Variants in PPM1E observed in about 807,000 individuals in gnomAD.
The protein encoded by PPM1E is protein phosphatase, Mg2+/Mn2+ dependent 1E.
Under a neutral mutation model 65.9 loss-of-function variants are expected in PPM1E, and 20 were observed. The observed-to-expected ratio is 0.30, with a 90% CI of 0.21 to 0.44. The LOEUF (loss-of-function observed/expected upper bound fraction) is 0.44. PPM1E is among the 20% of genes least tolerant of loss of function. PPM1E has a pLI of 1.00. For missense variants in PPM1E, 713 were observed against 953.1 expected (o/e 0.75, Z 3.32); for synonymous variants, 352 against 374.9 (o/e 0.94, Z 0.70).
chr17:58,966,032 C>A (rs1448576643), intron 3 of PPM1E, 139 bp downstream of exon 3: 5 of 819,556 alleles, frequency 6.1e-6, no homozygotes, highest in Non-Finnish European at 5.6e-6. Flanking sequence ...TGCAAAGTGG[C>A]ACAAATTTGC....
chr17:58,885,243 G>A (rs546546161), intron 1 of PPM1E, among the ~76,000 whole-genome samples: 9 of 152,208 alleles, frequency 5.9e-5, no homozygotes, highest in Middle Eastern at 3.4e-3. Flanking sequence ...TTTTAGTACA[G>A]GTGGGGTTTC....
intron 1 of PPM1E, among the ~76,000 whole-genome samples, chr17:58,805,383 T>G (rs1039050040): frequency 1.3e-5 from 2 of 152,148 alleles, no homozygotes; most frequent in African/African-American, 4.8e-5. Context: ...CCCGAGTAAC[T>G]GGGATTACAG....
chr17:58,910,229 A>G (rs955401602), intron 1 of PPM1E, among the ~76,000 whole-genome samples: 5 of 151,808 alleles, frequency 3.3e-5, no homozygotes, highest in Admixed American at 6.6e-5. Flanking sequence ...GGAGGTTTCT[A>G]TTGTATATCC....
rs1436216123 is a variant in PPM1E, at chr17:58,984,596, C to T, written c.*3565C>T. 6.6e-6 allele frequency: 1 copy of T among 152,494 alleles called. No homozygotes were observed. Among genetic ancestry groups the T allele is most frequent in the Non-Finnish European group, 1.5e-5 (1 of 68,020 alleles). The allele number at this position is 152,494 out of a possible 1,614,324, so 9.4% of individuals were successfully genotyped here. The stretch of plus-strand genomic sequence containing the variant: ...AAGTTAGCAAAAGAAATTTTTTTCA[C>T]CTTTGAAAATCACGTGATGTTAAAG... On this transcript the variant is annotated 3_prime_UTR_variant, in exon 7 of 7. Transcript: ENST00000308249.
At chr17:58,870,210 A>G (rs921541205) in intron 1 of PPM1E, among the ~76,000 whole-genome samples, 1 of 152,188 alleles carries the variant, frequency 6.6e-6, no homozygotes, top group Non-Finnish European at 1.5e-5. Flanking sequence ...AGAAGAAGAA[A>G]TGTCAGGGTT....
intron 1 of PPM1E, among the ~76,000 whole-genome samples, chr17:58,944,219 A>G (rs1395102466): frequency 6.6e-6 from 1 of 152,130 alleles, no homozygotes; most frequent in African/African-American, 2.4e-5. Context: ...TTCTTGACAA[A>G]GTCAGTAGTT....
At chr17:58,904,565 G>A (rs2051533931) in intron 1 of PPM1E, among the ~76,000 whole-genome samples, 1 of 152,034 alleles carries the variant, frequency 6.6e-6, no homozygotes, top group African/African-American at 2.4e-5. Flanking sequence ...ATTTTGGTTG[G>A]GGTTGTGTTG....
chr17:58,832,036 A>G (rs1278304865), intron 1 of PPM1E, among the ~76,000 whole-genome samples: 1 of 152,142 alleles, frequency 6.6e-6, no homozygotes, highest in African/African-American at 2.4e-5. Flanking sequence ...CTTGGGTGAA[A>G]GTCTTTGTCT....
At chr17:58,864,226 T>C (rs2050974507) in intron 1 of PPM1E, among the ~76,000 whole-genome samples, 1 of 152,182 alleles carries the variant, frequency 6.6e-6, no homozygotes, top group Non-Finnish European at 1.5e-5. Flanking sequence ...GCTGCCTGTA[T>C]AAATATTAGC....
intron 1 of PPM1E, among the ~76,000 whole-genome samples, chr17:58,884,774 G>A (rs1397799527): frequency 1.3e-5 from 2 of 152,038 alleles, no homozygotes; most frequent in Non-Finnish European, 1.5e-5. Flanking sequence ...CCTTTGTAGG[G>A]TGACCAGAGA....
intron 1 of PPM1E, among the ~76,000 whole-genome samples, chr17:58,804,735 T>A (rs998391373): frequency 3.3e-5 from 5 of 152,202 alleles, no homozygotes; most frequent in South Asian, 2.1e-4. Flanking sequence ...ATTATTTTTT[T>A]AAATTAAGTT....
chr17:58,834,134 TTTTG>T lies in PPM1E; in HGVS notation c.464+77685_464+77688del, dbSNP rs1434908224. On this transcript the variant is annotated intron_variant, in intron 1 of 6. Transcript: ENST00000308249. ...CCCCTCTTTGCTTAGATGTAGGGTTTTTTGTTTGTTTGTTTATTTGTTTTATTTT... is the reference window on the plus strand; with the variant it reads ...CCCCTCTTTGCTTAGATGTAGGGTTTTTTGTTTGTTTATTTGTTTTATTTT... 9.2e-5 allele frequency among the ~76,000 whole-genome samples: 14 copies of T among 152,278 alleles called. No individual in the cohort carries two copies. The South Asian group carries it at 1.7e-3, about 18-fold the overall frequency.
chr17:58,912,037 T>A (rs2051633072), intron 1 of PPM1E, among the ~76,000 whole-genome samples: 1 of 152,132 alleles, frequency 6.6e-6, no homozygotes, highest in African/African-American at 2.4e-5. Context: ...CCTGTGTCCT[T>A]CCCCTATTGG....
At chr17:58,839,965 A>T (rs1300054715) in intron 1 of PPM1E, among the ~76,000 whole-genome samples, 2 of 152,216 alleles carry the variant, frequency 1.3e-5, no homozygotes, top group Admixed American at 1.3e-4. Flanking sequence ...GGTCCCCAAG[A>T]TCACCCTCAT....
chr17:58,972,309 C>T, intron 5 of PPM1E, 34 bp downstream of exon 5: 1 of 1,576,714 alleles, frequency 6.3e-7, no homozygotes, highest in Non-Finnish European at 8.6e-7. Context: ...AGCCCATGCT[C>T]TAGTTATTAG....
chr17:58,902,294 G>A (rs779212062), intron 1 of PPM1E, among the ~76,000 whole-genome samples: 1 of 151,900 alleles, frequency 6.6e-6, no homozygotes, highest in Non-Finnish European at 1.5e-5. Context: ...TAGGGTTGCA[G>A]TCAAATTAAT....
rs536647267 is a variant in PPM1E at position 58,951,476 on chromosome 17, C to T, written c.465-4173C>T. 5.9e-5 allele frequency: 9 copies of T among 152,148 alleles called. No individual in the cohort carries two copies. In the East Asian group the frequency reaches 7.7e-4, roughly 13 times the overall value. 9.4% of individuals were successfully genotyped at this position (152,148 alleles called of 1,614,324 possible). ...GGTGAATTGCTTGAGCTTAGGAGTT[C>T]GAGACCAGTCTGGGCAACATGGTGA... On this transcript the variant is annotated intron_variant, in intron 1 of 6. Transcript: ENST00000308249.
intron 1 of PPM1E, among the ~76,000 whole-genome samples, chr17:58,834,312 A>C (rs1449113001): frequency 6.6e-6 from 1 of 152,140 alleles, no homozygotes; most frequent in Non-Finnish European, 1.5e-5. Context: ...TTTCTCAAAT[A>C]TATGTGATTT....
At chr17:58,846,491 A>G (rs987515300) in intron 1 of PPM1E, among the ~76,000 whole-genome samples, 13 of 152,184 alleles carry the variant, frequency 8.5e-5, no homozygotes, top group Admixed American at 2.6e-4. Context: ...TCATTGTTCA[A>G]TTCCCATGTA....
Sources: gnomAD v4.1 joint callset for allele counts (sites outside exome capture counted in the v4.1 genomes callset) on GRCh38, gnomAD v4.1.1 for gene constraint, MANE v1.5 for transcripts, NCBI Gene and HGNC (gene_info 2026-07-23, HGNC 2026-07-21) for gene names.